Variants in FOXO3 observed in about 807,000 individuals in gnomAD.
The protein encoded by FOXO3 is forkhead box protein O3.
FOXO3 carries 4 observed loss-of-function variants against 41.9 expected under a neutral mutation model. The observed-to-expected ratio is 0.10, with a 90% CI of 0.05 to 0.22. FOXO3 has a LOEUF of 0.22. Ranked by LOEUF, FOXO3 falls within the 10% of genes least tolerant of loss-of-function variation. The probability of loss-of-function intolerance (pLI) is 1.00; values close to 1 mark genes in which losing one functional copy is unlikely to be tolerated. For missense variants in FOXO3, 534 were observed against 906.8 expected (o/e 0.59, Z 5.28); for synonymous variants, 318 against 389.3 (o/e 0.82, Z 2.16).
At chr6:108,649,400 G>T (rs772333525) in intron 1 of FOXO3, among the ~76,000 whole-genome samples, 2 of 151,856 alleles carry the variant, frequency 1.3e-5, no homozygotes, top group African/African-American at 4.8e-5. Context: ...TCAGTACTTT[G>T]CTTGACAAAG....
intron 1 of FOXO3, chr6:108,656,484 T>C: frequency 2.0e-6 from 2 of 985,394 alleles, no homozygotes; most frequent in Non-Finnish European, 2.4e-6. Context: ...AATCCTTTCC[T>C]GGAAGGGGCC....
At chr6:108,624,873 G>A (rs1777766636) in intron 1 of FOXO3, among the ~76,000 whole-genome samples, 1 of 152,014 alleles carries the variant, frequency 6.6e-6, no homozygotes, top group Non-Finnish European at 1.5e-5. Context: ...TACTGCAACT[G>A]TGAACTTTAC....
At position 108,602,307 on chromosome 6, in the gene FOXO3, C is replaced by T. The variant is rs576470966; in HGVS notation, c.621+40478C>T. On this transcript the variant is annotated intron_variant, in intron 1 of 2. Transcript: ENST00000406360. Reference sequence around the variant, plus strand: ...TCCTACCATCAATGTATGAAAGTGCCCATTCTCATACCCTTGCCAACACAG... The same window carrying T: ...TCCTACCATCAATGTATGAAAGTGCTCATTCTCATACCCTTGCCAACACAG... 4.6e-5 allele frequency among the ~76,000 whole-genome samples: 7 copies of T among 152,072 alleles called. No individual in the cohort carries two copies. In the South Asian group the frequency reaches 1.5e-3, roughly 32 times the overall value.
At chr6:108,580,230 C>T (rs1776373305) in intron 1 of FOXO3, among the ~76,000 whole-genome samples, 1 of 135,716 alleles carries the variant, frequency 7.4e-6, no homozygotes, top group Non-Finnish European at 1.5e-5. Context: ...ACTCTGTTGC[C>T]CAGGCTGGAG....
In FOXO3 at chr6:108,682,230, A is replaced by G. The variant is rs1770889335; in HGVS notation, c.*2438A>G. On this transcript the variant is annotated 3_prime_UTR_variant, in exon 3 of 3. Coordinates refer to ENST00000406360, the MANE Select transcript of FOXO3 (RefSeq NM_001455.4). ...GGTATCTCATTTATTCTCCTTTTCTAGCGTTTGTTGAATTTCAGGCAGAAT... is the reference window on the plus strand; with the variant it reads ...GGTATCTCATTTATTCTCCTTTTCTGGCGTTTGTTGAATTTCAGGCAGAAT... 1 of 152,560 alleles carries G rather than the reference A, an allele frequency of 6.6e-6. No homozygotes were observed. The highest frequency in any genetic ancestry group is 6.5e-5 in the Admixed American group (1 of 15,280). The allele number at this position is 152,560 out of a possible 1,614,324, so 9.5% of individuals were successfully genotyped here.
intron 1 of FOXO3, among the ~76,000 whole-genome samples, chr6:108,592,410 C>T (rs1407352762): frequency 1.3e-5 from 2 of 152,114 alleles, no homozygotes; most frequent in Non-Finnish European, 2.9e-5. Flanking sequence ...AAGCTATGCC[C>T]TTTGTGTTCA....
At chr6:108,585,591 G>A (rs1393411087) in intron 1 of FOXO3, among the ~76,000 whole-genome samples, 2 of 152,174 alleles carry the variant, frequency 1.3e-5, no homozygotes, top group South Asian at 4.1e-4. Context: ...CTTACTCAGC[G>A]CTTCAGCAGA....
intron 1 of FOXO3, among the ~76,000 whole-genome samples, chr6:108,567,223 C>T (rs1321123332): frequency 6.6e-6 from 1 of 152,204 alleles, no homozygotes; most frequent in Non-Finnish European, 1.5e-5. Flanking sequence ...TGATGTGGGG[C>T]ATGGCTTGGA....
intron 1 of FOXO3, among the ~76,000 whole-genome samples, chr6:108,600,254 C>G (rs1777008534): frequency 6.6e-6 from 1 of 152,016 alleles, no homozygotes; most frequent in Non-Finnish European, 1.5e-5. Context: ...CATTATAAAA[C>G]TATGTGTGGG....
intron 1 of FOXO3, among the ~76,000 whole-genome samples, chr6:108,635,410 G>A (rs1181172052): frequency 6.6e-6 from 1 of 152,170 alleles, no homozygotes. Flanking sequence ...TATTTCACCT[G>A]TATCTGGAAT....
At chr6:108,663,386 C>G (rs925850850) in intron 1 of FOXO3, 69 bp from the exon 2 acceptor site, 20 of 1,518,056 alleles carry the variant, frequency 1.3e-5, no homozygotes, top group Non-Finnish European at 1.7e-5. Flanking sequence ...GTCTGATTTA[C>G]TATATCATCT....
At chr6:108,628,897 C>T (rs1283821265) in intron 1 of FOXO3, among the ~76,000 whole-genome samples, 1 of 151,984 alleles carries the variant, frequency 6.6e-6, no homozygotes, top group Non-Finnish European at 1.5e-5. Flanking sequence ...GACCTCTGAA[C>T]TTCTGGAGTT....
intron 1 of FOXO3, among the ~76,000 whole-genome samples, chr6:108,569,750 C>A (rs1382034408): frequency 6.6e-6 from 1 of 152,020 alleles, no homozygotes; most frequent in Non-Finnish European, 1.5e-5. Flanking sequence ...GAGGTGAGCA[C>A]AGAGTAAGGA....
intron 1 of FOXO3, among the ~76,000 whole-genome samples, chr6:108,646,109 A>G (rs1276151588): frequency 6.6e-6 from 1 of 152,154 alleles, no homozygotes; most frequent in African/African-American, 2.4e-5. Flanking sequence ...TTTCATCCTC[A>G]GGGTCTCCTC....
intron 1 of FOXO3, among the ~76,000 whole-genome samples, chr6:108,625,242 A>T (rs1424742994): frequency 6.6e-6 from 1 of 152,214 alleles, no homozygotes; most frequent in African/African-American, 2.4e-5. Context: ...TTTTTATCTT[A>T]ATAATTGTTA....
chr6:108,597,916 C>A (rs762158272), intron 1 of FOXO3, among the ~76,000 whole-genome samples: 9 of 152,148 alleles, frequency 5.9e-5, no homozygotes, highest in Non-Finnish European at 1.3e-4. Context: ...AGAATTCATG[C>A]TTTTGGTGTT....
chr6:108,653,334 T>G (rs1015085846), intron 1 of FOXO3, among the ~76,000 whole-genome samples: 8 of 152,234 alleles, frequency 5.3e-5, no homozygotes, highest in African/African-American at 1.9e-4. Flanking sequence ...GCTAAAGCTA[T>G]AGTAAAACAT....
At chr6:108,586,936 ATATTATTATTATTATTATTATTAT>A (rs143546022) in intron 1 of FOXO3, among the ~76,000 whole-genome samples, 7 of 133,626 alleles carry the variant, frequency 5.2e-5, no homozygotes, top group South Asian at 2.6e-4. Context: ...CTGAACGTAA[ATATTATTATTATTATTATTATTAT>A]TATTATTATT....
chr6:108,581,134 A>G (rs1022895061), intron 1 of FOXO3, among the ~76,000 whole-genome samples: 3 of 152,230 alleles, frequency 2.0e-5, no homozygotes, highest in Admixed American at 2.0e-4. Flanking sequence ...TCGTGCTTGG[A>G]AGCCAGTGGG....
Sources: gnomAD v4.1 joint callset for allele counts (sites outside exome capture counted in the v4.1 genomes callset) on GRCh38, gnomAD v4.1.1 for gene constraint, MANE v1.5 for transcripts, NCBI Gene and HGNC (gene_info 2026-07-23, HGNC 2026-07-21) for gene names.